Variants in H2AZ2 observed in about 807,000 individuals in gnomAD.
H2AZ2 encodes histone H2A.V.
In H2AZ2, 5 loss-of-function variants were observed where a neutral mutation model predicts 15.5. That is an observed-to-expected ratio of 0.32 (90% confidence interval 0.17 to 0.68). The LOEUF is 0.68. Ranked by LOEUF, H2AZ2 falls within the 30% of genes least tolerant of loss-of-function variation. The pLI is 0.72. For synonymous variants in H2AZ2, 44 were observed against 57.4 expected (o/e 0.77, Z 1.05); for missense variants, 42 against 162.5 (o/e 0.26, Z 4.03).
Position 44,834,414 on chromosome 7 carries a change from G to C in H2AZ2, c.*87C>G. On this transcript the variant is annotated 3_prime_UTR_variant, in exon 5 of 5. Transcript: ENST00000308153. Reference sequence around the variant, plus strand: ...GTCTATGCTTTTCCATTTAACTGTTGTTAAAAATTCCACATATCCCCATTA... The same window carrying C: ...GTCTATGCTTTTCCATTTAACTGTTCTTAAAAATTCCACATATCCCCATTA... 6.6e-7 allele frequency: 1 copy of C among 1,508,306 alleles called. No homozygotes were observed. The highest frequency in any genetic ancestry group is 8.9e-7 in the Non-Finnish European group (1 of 1,118,856). The allele number at this position is 1,508,306 out of a possible 1,614,324, so 93.4% of individuals were successfully genotyped here. A position where few individuals can be genotyped will look rare whatever the true frequency, so the allele number is the denominator to read the frequency against.
At chr7:44,837,148 C>T (rs62460519) in intron 3 of H2AZ2, among the ~76,000 whole-genome samples, 7,307 of 152,090 alleles carry the variant, frequency 0.048, 238 homozygotes, top group Admixed American at 0.076. Context: ...GTGATCTGCC[C>T]GCCTTGGCCT....
At chr7:44,847,932 C>T (rs746429322) in intron 1 of H2AZ2, 37 bp downstream of exon 1, 5 of 1,516,178 alleles carry the variant, frequency 3.3e-6, no homozygotes, top group Admixed American at 4.3e-5. Context: ...TCTGCTCTCC[C>T]AGGCCCCGTG....
intron 2 of H2AZ2, among the ~76,000 whole-genome samples, chr7:44,842,473 A>G (rs1415496384): frequency 1.3e-5 from 2 of 152,194 alleles, no homozygotes; most frequent in Non-Finnish European, 2.9e-5. Context: ...ACTTGCCCCT[A>G]CTACAAACTC....
downstream of H2AZ2, chr7:44,829,154 C>G (rs775568245): frequency 6.6e-6 from 1 of 152,232 alleles, no homozygotes; most frequent in Non-Finnish European, 1.5e-5. Flanking sequence ...CCTCCTGGAA[C>G]CTCTCTTGTA....
intron 3 of H2AZ2, among the ~76,000 whole-genome samples, chr7:44,836,117 C>T (rs1793115964): frequency 6.6e-6 from 1 of 152,026 alleles, no homozygotes. Flanking sequence ...CGCCACCAAA[C>T]CCGGCTTTTT....
chr7:44,827,890 T>A (rs1029810231), downstream of H2AZ2: 1 of 152,240 alleles, frequency 6.6e-6, no homozygotes, highest in Non-Finnish European at 1.5e-5. Context: ...ACGTTCATTC[T>A]GATTTCACTA....
intron 2 of H2AZ2, among the ~76,000 whole-genome samples, chr7:44,841,325 A>G (rs1039748009): frequency 6.6e-6 from 1 of 152,214 alleles, no homozygotes; most frequent in South Asian, 2.1e-4. Context: ...TTCACATAAT[A>G]GCCACATGCA....
At chr7:44,836,762 C>A (rs932456880) in intron 3 of H2AZ2, among the ~76,000 whole-genome samples, 1 of 151,826 alleles carries the variant, frequency 6.6e-6, no homozygotes, top group Non-Finnish European at 1.5e-5. Flanking sequence ...TTTGGGAGGC[C>A]GAGAGGGGTG....
chr7:44,829,864 A>T (rs1792977320), downstream of H2AZ2: 1 of 318,452 alleles, frequency 3.1e-6, no homozygotes, highest in African/African-American at 2.2e-5. Flanking sequence ...CACTGCAGCA[A>T]CACAGTTTAT....
At chr7:44,838,136 A>T (rs1468899931) in intron 3 of H2AZ2, among the ~76,000 whole-genome samples, 1 of 151,648 alleles carries the variant, frequency 6.6e-6, no homozygotes, top group Admixed American at 6.6e-5. Context: ...CACCATGCCC[A>T]GCTAATTTTT....
chr7:44,834,778 C>A lies in H2AZ2; in HGVS notation c.326-216G>T, dbSNP rs989928507. ...TCCGTGCATTTTTTGAGAAGAGTAA[C>A]CATAGCTTTTTTTTTTTTTTTTTTT... is the stretch of plus-strand genomic sequence containing the variant. On this transcript the variant is annotated intron_variant, in intron 4 of 4. Transcript: ENST00000308153. The A allele has an allele frequency of 1.4e-5, 5 of 362,842 alleles. No individual in the cohort carries two copies. The Admixed American group carries it at 2.1e-4, about 15-fold the overall frequency. The allele number at this position is 362,842 out of a possible 1,614,324, so 22.5% of individuals were successfully genotyped here.
chr7:44,831,056 AC>A (rs1792991820), downstream of H2AZ2, among the ~76,000 whole-genome samples: 1 of 152,124 alleles, frequency 6.6e-6, no homozygotes, highest in African/African-American at 2.4e-5. Flanking sequence ...AATGCCAGCT[AC>A]TCAGGAGGCT....
At chr7:44,827,358 C>T (rs1457444496), downstream of H2AZ2, 1 of 152,132 alleles carries the variant, frequency 6.6e-6, no homozygotes, top group Non-Finnish European at 1.5e-5. Flanking sequence ...GAGGTTAGCT[C>T]CTAAAGGTCC....
intron 3 of H2AZ2, among the ~76,000 whole-genome samples, chr7:44,839,481 C>T (rs1458323169): frequency 6.6e-6 from 1 of 151,022 alleles, no homozygotes; most frequent in African/African-American, 2.4e-5. Flanking sequence ...TCGAGACCAT[C>T]CTGGCTACCA....
chr7:44,848,029 G>GCCGCCGCCGCCGCTCTCGCAGCACCGA lies in H2AZ2; in HGVS notation c.-85_-59dup, dbSNP rs1423079036. 5 of 1,043,998 alleles carry GCCGCCGCCGCCGCTCTCGCAGCACCGA rather than the reference G, an allele frequency of 4.8e-6. No homozygotes were observed. The highest frequency in any genetic ancestry group is 1.7e-5 in the African/African-American group (1 of 59,284). 64.7% of individuals were successfully genotyped at this position (1,043,998 alleles called of 1,614,324 possible). On this transcript the variant is annotated 5_prime_UTR_variant, in exon 1 of 5. Coordinates refer to ENST00000308153, the MANE Select transcript of H2AZ2 (RefSeq NM_012412.5). ...GCGCGCCCTCCCGCTGCCGACCCGC[G>GCCGCCGCCGCCGCTCTCGCAGCACCGA]CCGCCGCCGCCGCTCTCGCAGCACC...
rs1489080380 is a variant in H2AZ2 at position 44,832,922 on chromosome 7, C to A, written c.*1579G>T. Among the ~76,000 whole-genome samples, 1 of 152,124 alleles carries A rather than the reference C, an allele frequency of 6.6e-6. No homozygotes were observed. Among genetic ancestry groups the A allele is most frequent in the African/African-American group, 2.4e-5 (1 of 41,442 alleles). On this transcript the variant is annotated 3_prime_UTR_variant, in exon 5 of 5. Coordinates refer to ENST00000308153, the MANE Select transcript of H2AZ2 (RefSeq NM_012412.5). ...CCAGGATCATGCCACTGCACTTCAA[C>A]CTGGGCAAAAGAGCAAGAGCCTGTC... is the stretch of plus-strand genomic sequence containing the variant.
chr7:44,830,088 T>G, downstream of H2AZ2: 1 of 1,564,970 alleles, frequency 6.4e-7, no homozygotes, highest in East Asian at 2.2e-5. Context: ...AGTAGAATCT[T>G]GTTCCACTAA....
chr7:44,841,145 G>A (rs963227600), intron 2 of H2AZ2, 133 bp from the exon 3 acceptor site: 58 of 622,554 alleles, frequency 9.3e-5, no homozygotes, highest in Middle Eastern at 3.3e-4. Context: ...AACCTATTAC[G>A]CATCAATAGT....
At chr7:44,841,755 C>G (rs1673558243) in intron 2 of H2AZ2, among the ~76,000 whole-genome samples, 1 of 152,194 alleles carries the variant, frequency 6.6e-6, no homozygotes. Flanking sequence ...AGGCATGAGC[C>G]ACTGTGCCCC....
Sources: gnomAD v4.1 joint callset for allele counts (sites outside exome capture counted in the v4.1 genomes callset) on GRCh38, gnomAD v4.1.1 for gene constraint, MANE v1.5 for transcripts, NCBI Gene and HGNC (gene_info 2026-07-23, HGNC 2026-07-21) for gene names.